LIME1: variants seen among roughly 807,000 people sequenced by gnomAD.
LIME1 encodes lck-interacting transmembrane adapter 1.
In LIME1, 23 loss-of-function variants were observed where a neutral mutation model predicts 18.8. The observed-to-expected ratio is 1.22, with a 90% CI of 0.88 to 1.73. The LOEUF (loss-of-function observed/expected upper bound fraction) is 1.73, where lower values mean the gene tolerates loss of function less well. Among genes scored for constraint, LIME1 ranks in the 40% most tolerant of loss-of-function variants. The pLI, the probability that LIME1 is intolerant of heterozygous loss-of-function variation, is 0.00. For synonymous variants in LIME1, 177 were observed against 182.3 expected (o/e 0.97, Z 0.23); for missense variants, 423 against 396.8 (o/e 1.07, Z -0.56).
chr20:63,737,891 G>T lies in LIME1; in HGVS notation c.169G>T (p.Ala57Ser). ...QRARLQGSAT[A>S]AEASLLRRTH... ...GGCGAGGCTGCAGGGCAGTGCGACG[G>T]CGGCGGAAGCGGTGAGTGCCAGGCT... The change falls in exon 3 of 6, where the codon GCG becomes TCG. Residue 57 changes from alanine (A) to serine (S), a missense_variant. Coordinates refer to ENST00000309546, the MANE Select transcript of LIME1 (RefSeq NM_017806.4). 6.3e-7 allele frequency: 1 copy of T among 1,580,438 alleles called. No individual in the cohort carries two copies. Among genetic ancestry groups the T allele is most frequent in the Middle Eastern group, 1.8e-4 (1 of 5,460 alleles).
In LIME1 at chr20:63,737,632, GCA is replaced by G; in HGVS notation, c.86_87del (p.Thr29SerfsTer160). On this transcript the variant is annotated frameshift_variant, in exon 2 of 6. Transcript: ENST00000309546. LOFTEE classifies it high-confidence loss of function. The stretch of plus-strand genomic sequence containing the variant: ...CTGCTCCTCTCGCTGTGGGCGCTGT[GCA>G]CAGCCTGCCGCAGGTAGGTCCCTCA... The G allele has an allele frequency of 6.3e-7, 1 of 1,593,734 alleles. No homozygotes were observed. Among genetic ancestry groups the G allele is most frequent in the South Asian group, 1.1e-5 (1 of 88,098 alleles).
chr20:63,738,544 C>T lies in LIME1; in HGVS notation c.585+45C>T, dbSNP rs181321157. On this transcript the variant is annotated intron_variant, in intron 5 of 5. Coordinates refer to ENST00000309546, the MANE Select transcript of LIME1 (RefSeq NM_017806.4). ...GGCGCTGTGGGTGGGGCCGGCAGAT[C>T]CTCAGCAGGTTGGATGGTGCTGACC... is the stretch of plus-strand genomic sequence containing the variant. 3.5e-4 allele frequency: 526 copies of T among 1,511,096 alleles called. 2 individuals are homozygous for T. In the African/African-American group the frequency reaches 6.8e-3, roughly 20 times the overall value. The allele number at this position is 1,511,096 out of a possible 1,614,324, so 93.6% of individuals were successfully genotyped here.
chr20:63,735,777 G>A (rs551698003), upstream of LIME1: 101 of 1,595,344 alleles, frequency 6.3e-5, no homozygotes, highest in East Asian at 4.8e-4. Context: ...GAGCCCCTCC[G>A]CAGGCATAGC....
chr20:63,735,785 AGCGTGGC>A, upstream of LIME1: 1 of 1,601,868 alleles, frequency 6.2e-7, no homozygotes, highest in Non-Finnish European at 8.5e-7. Context: ...CCGCAGGCAT[AGCGTGGC>A]GTCAGCCCAG....
At position 63,737,540 on chromosome 20, in the gene LIME1, G is replaced by A. The variant is rs760310083; in HGVS notation, c.-10G>A. The A allele has an allele frequency of 6.5e-6, 10 of 1,546,730 alleles. No individual in the cohort carries two copies. The African/African-American group carries it at 1.4e-4, about 22-fold the overall frequency. ...CCTTTCTTCTGTCCCCAGGGCCTCG[G>A]CTTCACAGGATGGGGCTGCCAGTGT... On this transcript the variant is annotated 5_prime_UTR_variant, in exon 2 of 6. Transcript: ENST00000309546.
In LIME1 at chr20:63,738,813, C is replaced by T. The variant is rs138445486; in HGVS notation, c.801C>T (p.Ser267=). The change falls in exon 6 of 6, where the codon AGC becomes AGT. Residue 267 remains serine (S), a synonymous_variant. Coordinates refer to ENST00000309546, the MANE Select transcript of LIME1 (RefSeq NM_017806.4). The part of the protein sequence containing the change: ...IRELGDPAGR[S]STCGAGTPPA... Reference sequence around the variant, plus strand: ...AGCTGGGGGACCCTGCTGGCAGGAGCAGCACGTGCGGGGCTGGGACGCCCC... The same window carrying T: ...AGCTGGGGGACCCTGCTGGCAGGAGTAGCACGTGCGGGGCTGGGACGCCCC... The T allele has an allele frequency of 2.1e-4, 336 of 1,612,408 alleles. 2 individuals carry two copies. In the African/African-American group the frequency reaches 3.5e-3, roughly 17 times the overall value.
At chr20:63,736,205 T>G (rs2091988871), upstream of LIME1, 1 of 390,344 alleles carries the variant, frequency 2.6e-6, no homozygotes. Flanking sequence ...AGGGCTGTGG[T>G]GAGAGACGGG....
upstream of LIME1, chr20:63,735,973 AG>A: frequency 6.4e-7 from 1 of 1,574,328 alleles, no homozygotes; most frequent in Non-Finnish European, 8.6e-7. Context: ...GGCTGCCCTC[AG>A]GAAGACCAGT....
chr20:63,736,167 G>A (rs1198921548), upstream of LIME1: 9 of 545,384 alleles, frequency 1.7e-5, no homozygotes, highest in African/African-American at 5.7e-5. Context: ...GCTGGCTGCA[G>A]GGTCTCTGGG....
At position 63,737,882 on chromosome 20, in the gene LIME1, A is replaced by G; in HGVS notation, c.160A>G (p.Ser54Gly). Reference sequence around the variant, plus strand: ...GAGGCAGCGGGCGAGGCTGCAGGGCAGTGCGACGGCGGCGGAAGCGGTGAG... The same window carrying G: ...GAGGCAGCGGGCGAGGCTGCAGGGCGGTGCGACGGCGGCGGAAGCGGTGAG... ...ARRQRARLQGSATAAEASLLR... is the reference protein window; with the variant it reads ...ARRQRARLQGGATAAEASLLR... The change falls in exon 3 of 6, where the codon AGT (serine) becomes GGT (glycine). Residue 54 changes from serine to glycine, a missense_variant. Physicochemically the swap from Ser to Gly is moderately conservative, Grantham distance 56 (BLOSUM62 0). Coordinates refer to ENST00000309546, the MANE Select transcript of LIME1 (RefSeq NM_017806.4). 2 of 1,579,072 alleles carry G rather than the reference A, an allele frequency of 1.3e-6. No individual in the cohort carries two copies. Among genetic ancestry groups the G allele is most frequent in the Non-Finnish European group, 1.7e-6 (2 of 1,167,690 alleles).
upstream of LIME1, chr20:63,735,907 G>A (rs759940469): frequency 1.9e-6 from 3 of 1,612,352 alleles, no homozygotes; most frequent in African/African-American, 2.7e-5. Context: ...ACAAGAAGAT[G>A]ACTGAGTTCT....
chr20:63,736,662 A>T (rs1601357847), upstream of LIME1: 1 of 985,388 alleles, frequency 1.0e-6, no homozygotes, highest in Non-Finnish European at 1.2e-6. Context: ...CTGCACAAAG[A>T]CCTTCCTGGC....
chr20:63,735,802 GC>G, upstream of LIME1: 1 of 1,609,756 alleles, frequency 6.2e-7, no homozygotes, highest in East Asian at 2.2e-5. Flanking sequence ...CGTCAGCCCA[GC>G]TGCAGGAGAA....
At chr20:63,736,960 T>C in intron 1 of LIME1, 3 of 985,570 alleles carry the variant, frequency 3.0e-6, no homozygotes, top group Non-Finnish European at 3.6e-6. Context: ...GCAGAGACAC[T>C]GGCAGACAAG....
intron 1 of LIME1, 49 bp from the exon 2 acceptor site, chr20:63,737,484 C>A (rs1250138849): frequency 5.0e-5 from 70 of 1,409,018 alleles, no homozygotes; most frequent in Admixed American, 6.7e-5. Context: ...TGCCAGGTGG[C>A]GCCAGGTCCC....
Position 63,737,921 on chromosome 20 carries a change from C to T in LIME1, c.180+19C>T, listed in dbSNP as rs770498225. The T allele has an allele frequency of 2.5e-6, 4 of 1,578,958 alleles. No homozygotes were observed. The highest frequency in any genetic ancestry group is 1.7e-5 in the Admixed American group (1 of 57,668). On this transcript the variant is annotated intron_variant, in intron 3 of 5. Coordinates refer to ENST00000309546, the MANE Select transcript of LIME1 (RefSeq NM_017806.4). Reference sequence around the variant, plus strand: ...GGAAGCGGTGAGTGCCAGGCTGTCCCGGGGACCAGGGTGGGGTCCGCAGGG... The same window carrying T: ...GGAAGCGGTGAGTGCCAGGCTGTCCTGGGGACCAGGGTGGGGTCCGCAGGG...
At chr20:63,735,795 C>T (rs1232914278), upstream of LIME1, 4 of 1,607,256 alleles carry the variant, frequency 2.5e-6, no homozygotes, top group South Asian at 1.1e-5. Context: ...AGCGTGGCGT[C>T]AGCCCAGCTG....
At chr20:63,735,724 G>A, upstream of LIME1, 1 of 1,554,672 alleles carries the variant, frequency 6.4e-7, no homozygotes. Flanking sequence ...GGGTACGGCA[G>A]ACTGGGGTTG....
At chr20:63,736,991 GT>G in intron 1 of LIME1, 1 of 985,876 alleles carries the variant, frequency 1.0e-6, no homozygotes, top group Non-Finnish European at 1.2e-6. Flanking sequence ...GAGAAGTGGG[GT>G]GGGGGCATCA....
Sources: gnomAD v4.1 joint callset for allele counts on GRCh38, gnomAD v4.1.1 for gene constraint, MANE v1.5 for transcripts, NCBI Gene and HGNC (gene_info 2026-07-23, HGNC 2026-07-21) for gene names.